EPHA7: variants seen among roughly 807,000 people sequenced by gnomAD.
EPHA7 encodes the protein EPH receptor A7.
Under a neutral mutation model 112.6 loss-of-function variants are expected in EPHA7, and 25 were observed. The ratio of observed to expected loss-of-function variants is 0.22; its 90% CI spans 0.16 to 0.31. EPHA7 has a LOEUF of 0.31. EPHA7 is among the 10% of genes least tolerant of loss of function. EPHA7 has a pLI of 1.00. For synonymous variants in EPHA7, 437 were observed against 406.5 expected (o/e 1.07, Z -0.90); for missense variants, 962 against 1,212.6 (o/e 0.79, Z 3.07).
intron 3 of EPHA7, among the ~76,000 whole-genome samples, chr6:93,358,717 C>T (rs938859146): frequency 2.0e-5 from 3 of 152,072 alleles, no homozygotes; most frequent in African/African-American, 2.4e-5. Context: ...CATTTAATTC[C>T]GATATATAAT....
chr6:93,372,815 A>G (rs1357260377), intron 3 of EPHA7, among the ~76,000 whole-genome samples: 2 of 152,108 alleles, frequency 1.3e-5, no homozygotes, highest in Non-Finnish European at 2.9e-5. Flanking sequence ...ATGGTTAAAC[A>G]TTCCACTTTT....
intron 5 of EPHA7, among the ~76,000 whole-genome samples, chr6:93,272,850 G>C (rs1180116183): frequency 6.6e-6 from 1 of 151,846 alleles, no homozygotes. Context: ...TGTATGAAAT[G>C]GCTACTTTGA....
chr6:93,267,504 C>A (rs569111301), intron 7 of EPHA7, among the ~76,000 whole-genome samples: 30 of 151,710 alleles, frequency 2.0e-4, no homozygotes, highest in African/African-American at 7.2e-4. Flanking sequence ...TCATTTATTG[C>A]TAGTTTACTG....
rs1297072990 is a variant in EPHA7 at position 93,365,816 on chromosome 6, G to C, written c.833-7405C>G. On this transcript the variant is annotated intron_variant, in intron 3 of 16. Transcript: ENST00000369303. The stretch of plus-strand genomic sequence containing the variant: ...TACTTAAGTGCTCGATGATAACATG[G>C]GGATTTTTAAAACTAACAAGAAAAA... Among the ~76,000 whole-genome samples, 4 of 152,168 alleles carry C rather than the reference G, an allele frequency of 2.6e-5. No individual in the cohort carries two copies. In the South Asian group the frequency reaches 8.3e-4, roughly 32 times the overall value.
chr6:93,408,039 T>C (rs1778800867), intron 3 of EPHA7, among the ~76,000 whole-genome samples: 1 of 152,022 alleles, frequency 6.6e-6, no homozygotes, highest in Non-Finnish European at 1.5e-5. Flanking sequence ...ATAAATGAGT[T>C]AAATTATACA....
At chr6:93,292,866 G>A (rs960728267) in intron 5 of EPHA7, among the ~76,000 whole-genome samples, 6 of 152,132 alleles carry the variant, frequency 3.9e-5, no homozygotes, top group Admixed American at 1.3e-4. Context: ...ATAAATCTGC[G>A]CTCCTGCCAA....
chr6:93,253,241 T>C (rs186243124), intron 14 of EPHA7, among the ~76,000 whole-genome samples: 70 of 152,156 alleles, frequency 4.6e-4, no homozygotes, highest in Middle Eastern at 6.8e-3. Context: ...CAACTTTGCC[T>C]CTGCCAAACA....
chr6:93,385,945 C>T (rs1446705554), intron 3 of EPHA7, among the ~76,000 whole-genome samples: 3 of 152,106 alleles, frequency 2.0e-5, no homozygotes, highest in Non-Finnish European at 4.4e-5. Context: ...GTCAAGGAAA[C>T]TCCTTATAAA....
At chr6:93,401,802 T>C (rs1778449123) in intron 3 of EPHA7, among the ~76,000 whole-genome samples, 1 of 151,990 alleles carries the variant, frequency 6.6e-6, no homozygotes. Context: ...TCATGTATCA[T>C]ATTTGTATGG....
intron 5 of EPHA7, among the ~76,000 whole-genome samples, chr6:93,281,279 T>C (rs938475013): frequency 6.6e-6 from 1 of 152,252 alleles, no homozygotes; most frequent in East Asian, 1.9e-4. Context: ...TTATAAAATA[T>C]ATTGAGAAAG....
intron 3 of EPHA7, among the ~76,000 whole-genome samples, chr6:93,383,853 G>C (rs574084657): frequency 6.6e-6 from 1 of 152,144 alleles, no homozygotes; most frequent in Admixed American, 6.5e-5. Context: ...GTGTCAGTGT[G>C]CCTGGTTAAT....
Position 93,411,419 on chromosome 6 carries a change from T to C in EPHA7, c.163-249A>G, listed in dbSNP as rs1030773759. The stretch of plus-strand genomic sequence containing the variant: ...TTTGTTTAATATCTTTCTGTGAGTA[T>C]ATTAGTGTTTCTTTTTTACATGTTT... On this transcript the variant is annotated intron_variant, in intron 2 of 16. Transcript: ENST00000369303. 4.6e-5 allele frequency among the ~76,000 whole-genome samples: 7 copies of C among 152,276 alleles called. No individual in the cohort carries two copies. The East Asian group carries it at 1.4e-3, about 29-fold the overall frequency.
intron 14 of EPHA7, 105 bp downstream of exon 14, chr6:93,254,542 T>C (rs1240671867): frequency 1.2e-6 from 1 of 812,628 alleles, no homozygotes; most frequent in Non-Finnish European, 1.8e-6. Flanking sequence ...ACTGTATTTT[T>C]ATAATTATTT....
At chr6:93,372,287 G>A (rs1004606436) in intron 3 of EPHA7, among the ~76,000 whole-genome samples, 2 of 152,014 alleles carry the variant, frequency 1.3e-5, no homozygotes, top group Admixed American at 6.6e-5. Flanking sequence ...TACTACCTAT[G>A]GCACAGCAAA....
chr6:93,264,082 A>G (rs989585104), intron 8 of EPHA7, among the ~76,000 whole-genome samples, 167 bp from the exon 9 acceptor site: 1 of 151,610 alleles, frequency 6.6e-6, no homozygotes. Context: ...AATTGCAAAG[A>G]AAACAAACTT....
intron 5 of EPHA7, among the ~76,000 whole-genome samples, chr6:93,314,305 A>T (rs117775893): frequency 0.018 from 2,801 of 152,260 alleles, 34 homozygotes; most frequent in Non-Finnish European, 0.028. Flanking sequence ...ATTGTCTAAC[A>T]TTAATCATTT....
intron 5 of EPHA7, among the ~76,000 whole-genome samples, chr6:93,318,626 GT>G (rs1773922226): frequency 6.6e-6 from 1 of 151,780 alleles, no homozygotes; most frequent in African/African-American, 2.4e-5. Flanking sequence ...ATGTCATTTT[GT>G]TTTTTGTTTG....
intron 5 of EPHA7, among the ~76,000 whole-genome samples, chr6:93,304,986 T>A (rs1256266562): frequency 6.6e-6 from 1 of 152,084 alleles, no homozygotes; most frequent in East Asian, 1.9e-4. Flanking sequence ...CATTTCTACT[T>A]CCATTCCTGT....
chr6:93,277,771 T>C (rs146289051), intron 5 of EPHA7, among the ~76,000 whole-genome samples: 1 of 152,078 alleles, frequency 6.6e-6, no homozygotes, highest in East Asian at 1.9e-4. Flanking sequence ...GTAAGATATA[T>C]AACAGAATGA....
Sources: allele counts gnomAD v4.1 joint callset (sites outside exome capture counted in the v4.1 genomes callset), GRCh38; gene constraint gnomAD v4.1.1; transcripts MANE v1.5; gene names NCBI Gene and HGNC (gene_info 2026-07-23, HGNC 2026-07-21).